The following ZNF74 variants were observed in gnomAD, a reference collection of about 807,000 sequenced individuals.
ZNF74 encodes zinc finger protein 520.
In ZNF74, 12 loss-of-function variants were observed where a neutral mutation model predicts 17.7. The observed-to-expected ratio is 0.68, with a 90% CI of 0.43 to 1.10. The LOEUF (loss-of-function observed/expected upper bound fraction) is 1.10. Among genes scored for constraint, ZNF74 ranks in the 50% least tolerant of loss-of-function variants. ZNF74 has a pLI of 0.00. For missense variants in ZNF74, 811 were observed against 881.0 expected (o/e 0.92, Z 1.01); for synonymous variants, 358 against 362.1 (o/e 0.99, Z 0.13).
In ZNF74 at chr22:20,394,681, A is replaced by G. The variant is rs892787539; in HGVS notation, c.34+19A>G. On this transcript the variant is annotated intron_variant, in intron 1 of 4. Transcript: ENST00000400451. ...AAGACAGGTACAGCTTCACTCTTGT[A>G]GTCAGTATGTCTGTGGATTTGCACT... The G allele has an allele frequency of 6.2e-7, 1 of 1,613,514 alleles. No homozygotes were observed. The highest frequency in any genetic ancestry group is 8.5e-7 in the Non-Finnish European group (1 of 1,179,618).
In ZNF74 at chr22:20,406,508, G is replaced by A. The variant is rs199814477; in HGVS notation, c.1475G>A (p.Arg492His). Reference protein sequence around the residue: ...SSHAYLIVHRRIHTGEKPFDC... With the variant: ...SSHAYLIVHRHIHTGEKPFDC... ...CACGCCTACCTCATCGTGCACCGGC[G>A]CATCCACACAGGCGAGAAGCCCTTC... is the stretch of plus-strand genomic sequence containing the variant. The change falls in exon 5 of 5, where the codon CGC becomes CAC. Residue 492 changes from arginine to histidine, a missense_variant. Physicochemically the swap from Arg to His is conservative, Grantham distance 29. Transcript: ENST00000400451. The A allele has an allele frequency of 4.3e-6, 7 of 1,613,858 alleles. No individual in the cohort carries two copies. The highest frequency in any genetic ancestry group is 5.9e-6 in the Non-Finnish European group (7 of 1,179,944).
intron 1 of ZNF74, chr22:20,395,019 C>T (rs1176448482): frequency 4.9e-5 from 22 of 452,710 alleles, no homozygotes; most frequent in South Asian, 3.2e-4. Flanking sequence ...TCCCAAAGTG[C>T]TGGGATTACA....
chr22:20,398,328 A>C (rs1332492689), intron 2 of ZNF74, among the ~76,000 whole-genome samples: 5 of 20,172 alleles, frequency 2.5e-4, no homozygotes, highest in Non-Finnish European at 6.8e-4. Context: ...AAAAAAAAAA[A>C]AAAAAAAAAA....
chr22:20,406,050 G>C lies in ZNF74; in HGVS notation c.1017G>C (p.Lys339Asn). Residue 339 changes from lysine to asparagine, a missense_variant, in exon 5 of 5, where the codon AAG (lysine) becomes AAC (asparagine). Around this residue, in one of 3 missense-constraint regions of ZNF74, gnomAD observed 666 missense variants for 702.3 expected, o/e 0.95. Transcript: ENST00000400451. ...CCTACAAGTGCAGCGCCTGCGAGAA[G>C]GCCTTCAGCTGCAGCTCGCTGCTCA... Reference protein sequence around the residue: ...ERPYKCSACEKAFSCSSLLSM... With the variant: ...ERPYKCSACENAFSCSSLLSM... The C allele has an allele frequency of 6.2e-7, 1 of 1,613,208 alleles. No individual in the cohort carries two copies. Among genetic ancestry groups the C allele is most frequent in the South Asian group, 1.1e-5 (1 of 91,042 alleles).
At chr22:20,404,473 A>G (rs1180237489) in intron 4 of ZNF74, among the ~76,000 whole-genome samples, 1 of 152,044 alleles carries the variant, frequency 6.6e-6, no homozygotes, top group Admixed American at 6.6e-5. Context: ...GACTATAGAC[A>G]GGTACCATCA....
At chr22:20,399,555 G>A in intron 2 of ZNF74, 1 of 393,878 alleles carries the variant, frequency 2.5e-6, no homozygotes, top group Non-Finnish European at 4.9e-6. Context: ...TATTAATATG[G>A]TTGGATTTAC....
chr22:20,400,895 G>A, intron 3 of ZNF74, 137 bp downstream of exon 3: 1 of 1,105,386 alleles, frequency 9.0e-7, no homozygotes, highest in Non-Finnish European at 1.3e-6. Flanking sequence ...GTGCCTTGGG[G>A]CACTCATGGC....
At position 20,401,696 on chromosome 22, in the gene ZNF74, C is replaced by T. The variant is rs2146096067; in HGVS notation, c.343+324C>T. 6.6e-6 allele frequency among the ~76,000 whole-genome samples: 1 copy of T among 152,138 alleles called. No individual in the cohort carries two copies. The highest frequency in any genetic ancestry group is 2.1e-4 in the South Asian group (1 of 4,824). The stretch of plus-strand genomic sequence containing the variant: ...GGGTGTGGGATTGGGGGCAGGGGGC[C>T]ACCAGGGAAGGGGCAGCTGGCGTTG... On this transcript the variant is annotated intron_variant, in intron 4 of 4. Transcript: ENST00000400451. The surrounding 1 kb of genome is among the most constrained non-coding windows in gnomAD (Gnocchi z 4.2).
At chr22:20,397,371 T>TG (rs1569091197) in intron 2 of ZNF74, among the ~76,000 whole-genome samples, 1 of 152,186 alleles carries the variant, frequency 6.6e-6, no homozygotes, top group Non-Finnish European at 1.5e-5. Flanking sequence ...TCCAGTGTTT[T>TG]GGGGGGTAAG....
intron 2 of ZNF74, among the ~76,000 whole-genome samples, chr22:20,395,778 G>A (rs2052286146): frequency 6.6e-6 from 1 of 152,192 alleles, no homozygotes; most frequent in South Asian, 2.1e-4. Context: ...GGTTGGTGCA[G>A]GATGTTTGCA....
Position 20,407,032 on chromosome 22 carries a change from C to T in ZNF74, c.*64C>T. Reference sequence around the variant, plus strand: ...ACTCAACAAGGAAAGCACCCTGGTCCTCCCTGGCTCCTAGATCCAGACCAC... The same window carrying T: ...ACTCAACAAGGAAAGCACCCTGGTCTTCCCTGGCTCCTAGATCCAGACCAC... On this transcript the variant is annotated 3_prime_UTR_variant, in exon 5 of 5. Transcript: ENST00000400451. The T allele has an allele frequency of 6.6e-7, 1 of 1,509,174 alleles. No individual in the cohort carries two copies. The highest frequency in any genetic ancestry group is 1.3e-5 in the South Asian group (1 of 75,064). 93.5% of individuals were successfully genotyped at this position (1,509,174 alleles called of 1,614,324 possible). A position where few individuals can be genotyped will look rare whatever the true frequency, so the allele number is the denominator to read the frequency against.
At chr22:20,397,429 G>A (rs1172050707) in intron 2 of ZNF74, among the ~76,000 whole-genome samples, 1 of 152,132 alleles carries the variant, frequency 6.6e-6, no homozygotes, top group Non-Finnish European at 1.5e-5. Context: ...ACAATTTTAA[G>A]TATACAATTT....
rs1024621684 is a variant in ZNF74, at chr22:20,408,418, C to T, written c.*1450C>T. 1 of 152,122 alleles carries T rather than the reference C, an allele frequency of 6.6e-6. No individual in the cohort carries two copies. The allele number at this position is 152,122 out of a possible 1,614,324, so 9.4% of individuals were successfully genotyped here. On this transcript the variant is annotated 3_prime_UTR_variant, in exon 5 of 5. Coordinates refer to ENST00000400451, the MANE Select transcript of ZNF74 (RefSeq NM_003426.4). The stretch of plus-strand genomic sequence containing the variant: ...AATGTGGACTTCTGAAAAATAAAAT[C>T]CCCATAATTCTTAATAAAACTGCCT...
chr22:20,406,319 CG>C lies in ZNF74; in HGVS notation c.1287del (p.Arg430AlafsTer181). ...TGCGAGAAGGCCTTCAACAGCCGCTCGCGCCTCACCCTCCACCAGAGGACGC... is the reference window on the plus strand; with the variant it reads ...TGCGAGAAGGCCTTCAACAGCCGCTCCGCCTCACCCTCCACCAGAGGACGC... ...SDCEKAFNSR[S>X]RLTLHQRTHT... On this transcript the variant is annotated frameshift_variant, in exon 5 of 5. Transcript: ENST00000400451. LOFTEE classifies it low-confidence loss of function (END_TRUNC). The C allele has an allele frequency of 6.2e-7, 1 of 1,612,300 alleles. No homozygotes were observed. The highest frequency in any genetic ancestry group is 1.7e-5 in the Admixed American group (1 of 60,004).
In ZNF74 at chr22:20,401,228, G is replaced by A. The variant is rs769493542; in HGVS notation, c.248-49G>A. 6.0e-6 allele frequency: 8 copies of A among 1,340,598 alleles called. No individual in the cohort carries two copies. Among genetic ancestry groups the A allele is most frequent in the Admixed American group, 1.9e-5 (1 of 53,670 alleles). 83.0% of individuals were successfully genotyped at this position (1,340,598 alleles called of 1,614,324 possible). Reference sequence around the variant, plus strand: ...TAGGGGGCGGCCTGTAAGGTCGACTGGGCCTGGAGAGCTGCAGCATGCCCA... The same window carrying A: ...TAGGGGGCGGCCTGTAAGGTCGACTAGGCCTGGAGAGCTGCAGCATGCCCA... On this transcript the variant is annotated intron_variant, in intron 3 of 4. Coordinates refer to ENST00000400451, the MANE Select transcript of ZNF74 (RefSeq NM_003426.4). The surrounding 1 kb of genome is among the most constrained non-coding windows in gnomAD (Gnocchi z 4.2).
At chr22:20,398,766 A>G (rs2052325478) in intron 2 of ZNF74, among the ~76,000 whole-genome samples, 1 of 152,126 alleles carries the variant, frequency 6.6e-6, no homozygotes, top group Admixed American at 6.6e-5. Context: ...AGATTGAAAC[A>G]TAGATATTGA....
intron 1 of ZNF74, chr22:20,394,898 T>C (rs2052274945): frequency 1.8e-6 from 1 of 542,286 alleles, no homozygotes; most frequent in South Asian, 2.4e-5. Flanking sequence ...GTAGTTGGGA[T>C]TGCAGGCGCG....
At chr22:20,397,979 A>G (rs559946007) in intron 2 of ZNF74, among the ~76,000 whole-genome samples, 1 of 152,278 alleles carries the variant, frequency 6.6e-6, no homozygotes, top group South Asian at 2.1e-4. Flanking sequence ...TATTGGATCA[A>G]GGCCCACTGC....
rs116883259 is a variant in ZNF74 at position 20,396,129 on chromosome 22, A to T, written c.120+711A>T. Among the ~76,000 whole-genome samples the T allele has an allele frequency of 1.1e-3, 166 of 151,496 alleles. 2 individuals carry two copies. In the East Asian group the frequency reaches 0.031, roughly 29 times the overall value. ...GCAGTTGACAAAGAGAGCACAGTAGAGTGAAAGATGTGGAGGAATAAGGGG... is the reference window on the plus strand; with the variant it reads ...GCAGTTGACAAAGAGAGCACAGTAGTGTGAAAGATGTGGAGGAATAAGGGG... On this transcript the variant is annotated intron_variant, in intron 2 of 4. Transcript: ENST00000400451.
Sources: gnomAD v4.1 joint callset for allele counts (sites outside exome capture counted in the v4.1 genomes callset) on GRCh38, gnomAD v4.1.1 for gene constraint, gnomAD v4.1.1 regional missense constraint, Gnocchi (gnomAD v3.1) non-coding constraint, MANE v1.5 for transcripts, NCBI Gene and HGNC (gene_info 2026-07-23, HGNC 2026-07-21) for gene names.